BDP1: variants seen among roughly 807,000 people sequenced by gnomAD.
BDP1 encodes transcription factor TFIIIB component B'' homolog.
In BDP1, 169 loss-of-function variants were observed where a neutral mutation model predicts 266.6. The observed-to-expected ratio is 0.63, with a 90% confidence interval of 0.56 to 0.72. The LOEUF is 0.72. BDP1 is among the 30% of genes least tolerant of loss of function. The pLI is 0.00. For synonymous variants in BDP1, 1,090 were observed against 1,022.4 expected, an observed-to-expected ratio of 1.07 and a Z score of -1.26; for missense variants, 3,015 against 3,053.8, an observed-to-expected ratio of 0.99 and a Z score of 0.30.
chr5:71,522,164 C>A, intron 22 of BDP1, 125 bp from the exon 23 acceptor site: 1 of 686,588 alleles, frequency 1.5e-6, no homozygotes, highest in Non-Finnish European at 2.4e-6. Flanking sequence ...GATTTTATTG[C>A]CAATTTATAT....
At chr5:71,544,630 G>A (rs752657249) in intron 31 of BDP1, 123 bp downstream of exon 31, 93 of 1,018,498 alleles carry the variant, frequency 9.1e-5, no homozygotes, top group Admixed American at 1.3e-4. Context: ...CTGTAATCCC[G>A]GCACTTTGGG....
At chr5:71,483,439 C>T (rs182651279) in intron 7 of BDP1, among the ~76,000 whole-genome samples, 179 of 152,322 alleles carry the variant, frequency 1.2e-3, no homozygotes, top group Non-Finnish European at 1.9e-3. Flanking sequence ...TTAGTTGTTT[C>T]TCTATAGTCT....
At chr5:71,537,847 TGTG>T (rs892977221) in intron 26 of BDP1, 1 of 158,100 alleles carries the variant, frequency 6.3e-6, no homozygotes, top group Non-Finnish European at 1.5e-5. Flanking sequence ...TTGGGCATCT[TGTG>T]GTCAGGAGTG....
intron 24 of BDP1, among the ~76,000 whole-genome samples, chr5:71,523,701 G>T (rs1765626117): frequency 6.6e-6 from 1 of 152,102 alleles, no homozygotes; most frequent in Non-Finnish European, 1.5e-5. Context: ...GGAAAGAATG[G>T]TCCAGAATTA....
chr5:71,560,891 T>C (rs1424096668), intron 37 of BDP1, among the ~76,000 whole-genome samples: 2 of 152,242 alleles, frequency 1.3e-5, no homozygotes, highest in Non-Finnish European at 2.9e-5. Context: ...ATTGTTTTTG[T>C]TATCTAAATT....
In BDP1 at chr5:71,497,339, G is replaced by T. The variant is rs1369274004; in HGVS notation, c.1869G>T (p.Leu623Phe). 1 of 1,613,832 alleles carries T rather than the reference G, an allele frequency of 6.2e-7. No homozygotes were observed. The highest frequency in any genetic ancestry group is 1.3e-5 in the African/African-American group (1 of 75,038). The part of the protein sequence containing the change: ...RGRFQRPKPN[L>F]SRAGKKSVLS... ...GCTTCCAAAGACCTAAACCCAATTT[G>T]TCAAGGGCTGGGAAGAAATCAGTTC... Residue 623 changes from leucine to phenylalanine, a missense_variant, in exon 13 of 39, where the codon TTG becomes TTT. Around this residue, in one of 3 missense-constraint regions of BDP1, gnomAD observed 2,383 missense variants for 2,404.9 expected, o/e 0.99. Coordinates refer to ENST00000358731, the MANE Select transcript of BDP1 (RefSeq NM_018429.3).
At chr5:71,503,022 G>A (rs1328309179) in intron 15 of BDP1, among the ~76,000 whole-genome samples, 5 of 132,986 alleles carry the variant, frequency 3.8e-5, no homozygotes, top group Admixed American at 7.7e-5. Context: ...CTGAGATCGT[G>A]CCACCGCACT....
At position 71,455,737 on chromosome 5, in the gene BDP1, GA is replaced by G. The variant is rs1195670313; in HGVS notation, c.-138del. The G allele has an allele frequency of 5.6e-6, 4 of 716,338 alleles. No individual in the cohort carries two copies. In the African/African-American group the frequency reaches 7.2e-5, roughly 13 times the overall value. 44.4% of individuals were successfully genotyped at this position (716,338 alleles called of 1,614,324 possible). ...GAGGAGGAGGCGGCGGCGGGGCAGT[GA>G]AACTACGGTAGCTGCCCCCTGAGCT... On this transcript the variant is annotated 5_prime_UTR_variant, in exon 1 of 39. An upstream open reading frame in the 5' UTR loses its in-frame stop. Coordinates refer to ENST00000358731, the MANE Select transcript of BDP1 (RefSeq NM_018429.3).
chr5:71,542,159 G>C lies in BDP1; in HGVS notation c.6306G>C (p.Lys2102Asn). Residue 2102 changes from lysine (K) to asparagine (N), a missense_variant, in exon 30 of 39, where the codon AAG becomes AAC. By Grantham distance (94) the Lys-to-Asn change is moderately conservative (BLOSUM62 0). This residue lies in a region of BDP1 where 629 missense variants were observed against 632.5 expected (regional missense o/e 0.99). Coordinates refer to ENST00000358731, the MANE Select transcript of BDP1 (RefSeq NM_018429.3). The part of the protein sequence containing the change: ...SNLRIRSRLA[K>N]PKPNLEKTLG... ...TGAGAATAAGAAGTAGGCTTGCTAA[G>C]CCTAAACCAAATCTTGAGAAGACTT... is the stretch of plus-strand genomic sequence containing the variant. 2 of 1,613,346 alleles carry C rather than the reference G, an allele frequency of 1.2e-6. No homozygotes were observed. Among genetic ancestry groups the C allele is most frequent in the Non-Finnish European group, 1.7e-6 (2 of 1,179,734 alleles).
At chr5:71,552,287 C>T (rs1237657019) in intron 34 of BDP1, among the ~76,000 whole-genome samples, 1 of 151,748 alleles carries the variant, frequency 6.6e-6, no homozygotes, top group Non-Finnish European at 1.5e-5. Flanking sequence ...ACGCTCCTCA[C>T]TTCCTAGATG....
In BDP1 at chr5:71,513,953, A is replaced by G. The variant is rs367609877; in HGVS notation, c.4470+546A>G. ...TTAGCCAGGCTGATCTCGAACTCCT[A>G]ACCTCGTGATCTGCCTGCTTTGGCC... On this transcript the variant is annotated intron_variant, in intron 19 of 38. Transcript: ENST00000358731. Among the ~76,000 whole-genome samples the G allele has an allele frequency of 9.9e-5, 15 of 151,756 alleles. 1 individual carries two copies. The highest frequency in any genetic ancestry group is 3.6e-4 in the African/African-American group (15 of 41,410).
intron 7 of BDP1, among the ~76,000 whole-genome samples, chr5:71,474,529 A>C (rs891753208): frequency 8.6e-5 from 13 of 151,788 alleles, no homozygotes; most frequent in Non-Finnish European, 1.6e-4. Flanking sequence ...ATGAGTTTTC[A>C]TCAGGTTGCT....
chr5:71,504,679 T>C lies in BDP1; in HGVS notation c.2300T>C (p.Leu767Ser). ...GATTTTGAAGAGGAAGATGTCATAT[T>C]ACAGCCTGAGAAAAATGATTCTTTT... ...RKDFEEEDVI[L>S]QPEKNDSFQN... Residue 767 changes from leucine to serine, a missense_variant, in exon 16 of 39, where the codon TTA (leucine) becomes TCA (serine). Transcript: ENST00000358731. 2 of 1,613,612 alleles carry C rather than the reference T, an allele frequency of 1.2e-6. No individual in the cohort carries two copies. Among genetic ancestry groups the C allele is most frequent in the Non-Finnish European group, 1.7e-6 (2 of 1,179,646 alleles).
At chr5:71,555,261 G>A (rs468446) in intron 35 of BDP1, among the ~76,000 whole-genome samples, 68,199 of 151,770 alleles carry the variant, frequency 0.45, 15,681 homozygotes, top group South Asian at 0.55. Context: ...GACTTTTACC[G>A]TTTACTGAAT....
chr5:71,495,712 G>A (rs1010610605), intron 12 of BDP1, among the ~76,000 whole-genome samples: 33 of 152,080 alleles, frequency 2.2e-4, no homozygotes, highest in Admixed American at 2.2e-3. Flanking sequence ...TTTGCCATGA[G>A]ATTTTACTTT....
intron 30 of BDP1, among the ~76,000 whole-genome samples, chr5:71,542,902 C>T (rs1003786951): frequency 6.6e-6 from 1 of 151,682 alleles, no homozygotes; most frequent in African/African-American, 2.4e-5. Context: ...TTTTTCAACT[C>T]ATGTCCTTGA....
intron 35 of BDP1, among the ~76,000 whole-genome samples, chr5:71,554,874 A>G (rs1166097181): frequency 6.6e-6 from 1 of 152,196 alleles, no homozygotes; most frequent in East Asian, 1.9e-4. Context: ...ATTGCATTAT[A>G]CTTACATTTG....
At chr5:71,477,408 C>G (rs1762657956) in intron 7 of BDP1, among the ~76,000 whole-genome samples, 1 of 152,110 alleles carries the variant, frequency 6.6e-6, no homozygotes, top group African/African-American at 2.4e-5. Flanking sequence ...TTCAGCCTCT[C>G]AAAGTGCTGG....
intron 6 of BDP1, among the ~76,000 whole-genome samples, chr5:71,468,135 C>T (rs867066998): frequency 9.9e-5 from 15 of 152,092 alleles, no homozygotes; most frequent in African/African-American, 3.6e-4. Context: ...TCTCCTGCCT[C>T]AGCTTCCCAA....
Sources: allele counts gnomAD v4.1 joint callset (sites outside exome capture counted in the v4.1 genomes callset), GRCh38; gene constraint gnomAD v4.1.1; regional missense constraint gnomAD v4.1.1; transcripts MANE v1.5; gene names NCBI Gene and HGNC (gene_info 2026-07-23, HGNC 2026-07-21).